The following NAV3 variants were observed in gnomAD, a reference collection of about 807,000 sequenced individuals.
The protein encoded by NAV3 is pore membrane and/or filament interacting like protein 1.
Under a neutral mutation model 244.7 loss-of-function variants are expected in NAV3, and 87 were observed. The observed-to-expected ratio is 0.36, with a 90% CI of 0.30 to 0.42. NAV3 has a LOEUF of 0.42. Ranked by LOEUF, NAV3 falls within the 20% of genes least tolerant of loss-of-function variation. The probability of loss-of-function intolerance (pLI) is 1.00; values close to 1 mark genes in which losing one functional copy is unlikely to be tolerated. For missense variants in NAV3, 2,663 were observed against 2,893.3 expected (o/e 0.92, Z 1.83); for synonymous variants, 1,126 against 1,042.2 (o/e 1.08, Z -1.55).
rs190370886 is a variant in NAV3, at chr12:77,663,072, T to C, written c.72+90806T>C. On this transcript the variant is annotated intron_variant, in intron 2 of 8. Transcript: ENST00000550042. ...TAATTTTCACTTAAATGTTGTAAAT[T>C]ACAGTCTTTAAGAATACATTAAGCA... 1.6e-3 allele frequency among the ~76,000 whole-genome samples: 249 copies of C among 152,342 alleles called. 1 individual carries two copies. Among genetic ancestry groups the C allele is most frequent in the African/African-American group, 5.7e-3 (235 of 41,584 alleles).
At chr12:77,822,160 C>T (rs1565827148) in intron 2 of NAV3, among the ~76,000 whole-genome samples, 1 of 152,132 alleles carries the variant, frequency 6.6e-6, no homozygotes, top group South Asian at 2.1e-4. Context: ...ATTTGCTCAA[C>T]TAACTCTATC....
At chr12:77,885,578 C>T (rs1883189408) in intron 1 of NAV3, among the ~76,000 whole-genome samples, 1 of 151,990 alleles carries the variant, frequency 6.6e-6, no homozygotes. Flanking sequence ...TTTTGTGAAT[C>T]AAAAATTTTA....
intron 37 of NAV3, among the ~76,000 whole-genome samples, chr12:78,199,900 T>A (rs767519290): frequency 1.3e-5 from 2 of 152,144 alleles, no homozygotes; most frequent in African/African-American, 2.4e-5. Context: ...TAGTTACAGA[T>A]AACTTAAACG....
intron 2 of NAV3, among the ~76,000 whole-genome samples, chr12:77,633,287 AATC>A (rs1234843709): frequency 6.6e-6 from 1 of 152,114 alleles, no homozygotes; most frequent in African/African-American, 2.4e-5. Flanking sequence ...TTCAAAGATT[AATC>A]ATCATTACCA....
intron 2 of NAV3, among the ~76,000 whole-genome samples, chr12:77,598,012 C>T (rs1003034534): frequency 2.6e-5 from 4 of 151,988 alleles, no homozygotes; most frequent in African/African-American, 7.2e-5. Flanking sequence ...GAAAAAAATA[C>T]ATCCCTAGTA....
Position 78,050,011 on chromosome 12 carries a change from G to C in NAV3, c.2042G>C (p.Arg681Thr), listed in dbSNP as rs1211232102. Reference protein sequence around the residue: ...EEISGEDPETRRMRTVKNIAD... With the variant: ...EEISGEDPETTRMRTVKNIAD... ...TTCCTAGGTGAAGACCCTGAAACAAGAAGAATGAGAACAGTTAAAAACATA... is the reference window on the plus strand; with the variant it reads ...TTCCTAGGTGAAGACCCTGAAACAACAAGAATGAGAACAGTTAAAAACATA... The change falls in exon 10 of 40, where the codon AGA (arginine) becomes ACA (threonine). Residue 681 changes from arginine to threonine, a missense_variant. Coordinates refer to ENST00000397909, the MANE Select transcript of NAV3 (RefSeq NM_001024383.2). The C allele has an allele frequency of 1.9e-6, 3 of 1,610,704 alleles. No homozygotes were observed. The highest frequency in any genetic ancestry group is 2.5e-6 in the Non-Finnish European group (3 of 1,179,044).
intron 3 of NAV3, among the ~76,000 whole-genome samples, chr12:77,958,940 C>T (rs563577746): frequency 5.9e-5 from 9 of 152,144 alleles, no homozygotes; most frequent in South Asian, 2.1e-4. Flanking sequence ...ATGTGGTGTC[C>T]GTTGAAATCA....
At chr12:78,111,285 C>T (rs1344438514) in intron 12 of NAV3, among the ~76,000 whole-genome samples, 1 of 152,016 alleles carries the variant, frequency 6.6e-6, no homozygotes, top group Admixed American at 6.6e-5. Flanking sequence ...CATTCACTGA[C>T]AATGTTAACT....
At chr12:77,871,753 T>G (rs1157233130) in intron 1 of NAV3, among the ~76,000 whole-genome samples, 1 of 152,208 alleles carries the variant, frequency 6.6e-6, no homozygotes, top group African/African-American at 2.4e-5. Context: ...AACATACATG[T>G]GCATGTGTCT....
At chr12:78,060,791 A>G (rs1437656386) in intron 12 of NAV3, among the ~76,000 whole-genome samples, 19 of 152,188 alleles carry the variant, frequency 1.2e-4, no homozygotes, top group Admixed American at 1.2e-3. Context: ...ACATTTTGAA[A>G]CTAATGACCT....
intron 2 of NAV3, among the ~76,000 whole-genome samples, chr12:77,714,462 A>G (rs561061855): frequency 2.6e-5 from 4 of 152,184 alleles, no homozygotes; most frequent in Admixed American, 2.6e-4. Context: ...TTTGTGTCCT[A>G]CAGCCCATCA....
intron 2 of NAV3, among the ~76,000 whole-genome samples, chr12:77,624,581 G>C (rs1482903400): frequency 6.6e-6 from 1 of 152,056 alleles, no homozygotes; most frequent in African/African-American, 2.4e-5. Flanking sequence ...GGACCAAGCA[G>C]TGGACATACA....
chr12:78,190,287 A>T, intron 34 of NAV3, 68 bp downstream of exon 34: 1 of 1,271,988 alleles, frequency 7.9e-7, no homozygotes. Flanking sequence ...TCAAATTATA[A>T]GATTTTGTGA....
chr12:77,977,714 A>ACG (rs1868754801), intron 5 of NAV3, among the ~76,000 whole-genome samples: 1 of 88,954 alleles, frequency 1.1e-5, no homozygotes, highest in African/African-American at 3.3e-5. Context: ...ACACACGCGC[A>ACG]CACACACACA....
intron 12 of NAV3, among the ~76,000 whole-genome samples, chr12:78,059,544 C>T (rs1478353085): frequency 6.6e-6 from 1 of 152,078 alleles, no homozygotes; most frequent in African/African-American, 2.4e-5. Context: ...GCCTCGGCCT[C>T]CCAAAGTACT....
intron 12 of NAV3, among the ~76,000 whole-genome samples, chr12:78,110,340 T>C (rs1315142903): frequency 6.6e-6 from 1 of 152,054 alleles, no homozygotes; most frequent in African/African-American, 2.4e-5. Flanking sequence ...AGAATTAATA[T>C]CATTAAAATG....
intron 2 of NAV3, among the ~76,000 whole-genome samples, chr12:77,683,550 C>T (rs1451027040): frequency 2.0e-5 from 3 of 151,976 alleles, no homozygotes; most frequent in Non-Finnish European, 2.9e-5. Context: ...TTTTATATTT[C>T]CGTGAAAAAT....
intron 2 of NAV3, among the ~76,000 whole-genome samples, chr12:77,790,645 G>C (rs2135942064): frequency 6.6e-6 from 1 of 152,206 alleles, no homozygotes. Context: ...CTTAACTCTT[G>C]CTTATGTTGG....
At chr12:77,869,067 A>T (rs1413285198) in intron 1 of NAV3, among the ~76,000 whole-genome samples, 1 of 149,832 alleles carries the variant, frequency 6.7e-6, no homozygotes, top group Non-Finnish European at 1.5e-5. Flanking sequence ...ACAAACAAAC[A>T]AAACTTTAGA....
Sources: gnomAD v4.1 joint callset for allele counts (sites outside exome capture counted in the v4.1 genomes callset) on GRCh38, gnomAD v4.1.1 for gene constraint, MANE v1.5 for transcripts, NCBI Gene and HGNC (gene_info 2026-07-23, HGNC 2026-07-21) for gene names.